Variants in NDUFAF2 observed in about 807,000 individuals in gnomAD.
NDUFAF2 encodes NADH dehydrogenase [ubiquinone] 1 alpha subcomplex assembly factor 2.
NDUFAF2 carries 13 observed loss-of-function variants against 22.8 expected under a neutral mutation model. That is an observed-to-expected ratio of 0.57 (90% CI 0.37 to 0.91). NDUFAF2 has a LOEUF of 0.91. Ranked by LOEUF, NDUFAF2 falls within the 40% of genes least tolerant of loss-of-function variation. The pLI, the probability that NDUFAF2 is intolerant of heterozygous loss-of-function variation, is 0.01. For missense variants in NDUFAF2, 162 were observed against 195.2 expected (o/e 0.83, Z 1.01); for synonymous variants, 53 against 64.2 (o/e 0.83, Z 0.84).
At chr5:61,152,292 A>C (rs1257072139) in intron 3 of NDUFAF2, among the ~76,000 whole-genome samples, 1 of 133,508 alleles carries the variant, frequency 7.5e-6, no homozygotes, top group Admixed American at 7.8e-5. Context: ...AATGGCAAAG[A>C]AAAAAAAAAA....
At chr5:60,951,377 A>G (rs1367413479) in intron 1 of NDUFAF2, among the ~76,000 whole-genome samples, 3 of 152,190 alleles carry the variant, frequency 2.0e-5, no homozygotes, top group African/African-American at 2.4e-5. Context: ...TATGGTTAGA[A>G]CCACTGTTTA....
chr5:60,945,790 T>C (rs913338712), intron 1 of NDUFAF2, among the ~76,000 whole-genome samples: 2 of 149,746 alleles, frequency 1.3e-5, no homozygotes, highest in African/African-American at 2.5e-5. Flanking sequence ...AGGGGAGGGG[T>C]TTTTCGTACG....
intron 3 of NDUFAF2, 48 bp downstream of exon 3, chr5:61,099,080 G>T: frequency 1.5e-6 from 2 of 1,313,452 alleles, no homozygotes; most frequent in Admixed American, 2.1e-5. Context: ...TATTCCCAAG[G>T]ATATACGAAG....
At chr5:61,135,590 G>C (rs1306070274) in intron 3 of NDUFAF2, among the ~76,000 whole-genome samples, 1 of 152,040 alleles carries the variant, frequency 6.6e-6, no homozygotes, top group East Asian at 1.9e-4. Flanking sequence ...TGCACATCAG[G>C]GGCCCTATCC....
chr5:60,979,247 T>C (rs1750943647), intron 1 of NDUFAF2, among the ~76,000 whole-genome samples: 1 of 152,170 alleles, frequency 6.6e-6, no homozygotes, highest in African/African-American at 2.4e-5. Flanking sequence ...CTGTGGTGGC[T>C]ACGGGTAATG....
chr5:61,100,895 C>G (rs1034873630), intron 3 of NDUFAF2, among the ~76,000 whole-genome samples: 14 of 152,096 alleles, frequency 9.2e-5, no homozygotes, highest in Admixed American at 2.6e-4. Context: ...AACATCCAAG[C>G]CAGTCTACCT....
At chr5:61,033,861 C>T (rs1751759757) in intron 1 of NDUFAF2, among the ~76,000 whole-genome samples, 1 of 152,112 alleles carries the variant, frequency 6.6e-6, no homozygotes, top group African/African-American at 2.4e-5. Context: ...ATAGTTGACT[C>T]TCTTGGGAAA....
chr5:61,004,862 C>T (rs981333015), intron 1 of NDUFAF2, among the ~76,000 whole-genome samples: 1 of 152,098 alleles, frequency 6.6e-6, no homozygotes, highest in Non-Finnish European at 1.5e-5. Flanking sequence ...AACTGGAATA[C>T]TAAATCCTAT....
At chr5:61,011,343 G>A (rs1751440556) in intron 1 of NDUFAF2, among the ~76,000 whole-genome samples, 1 of 152,112 alleles carries the variant, frequency 6.6e-6, no homozygotes, top group African/African-American at 2.4e-5. Flanking sequence ...CCAATGAGAA[G>A]TGTCTGCCCC....
chr5:61,148,005 G>C (rs570455787), intron 3 of NDUFAF2, among the ~76,000 whole-genome samples: 1 of 152,142 alleles, frequency 6.6e-6, no homozygotes, highest in Admixed American at 6.6e-5. Context: ...CTGCTTTATG[G>C]AGTTTCACCG....
At chr5:60,989,586 T>A (rs114733452) in intron 1 of NDUFAF2, among the ~76,000 whole-genome samples, 120 of 152,292 alleles carry the variant, frequency 7.9e-4, no homozygotes, top group African/African-American at 2.8e-3. Context: ...CAAGATCATG[T>A]CCTTTTCAGC....
At chr5:61,091,642 G>T (rs908336040) in intron 2 of NDUFAF2, among the ~76,000 whole-genome samples, 1 of 152,134 alleles carries the variant, frequency 6.6e-6, no homozygotes. Context: ...TTTGTTGATA[G>T]TTTCTTTTGC....
intron 2 of NDUFAF2, among the ~76,000 whole-genome samples, chr5:61,084,766 A>T (rs1049954716): frequency 6.6e-6 from 1 of 152,176 alleles, no homozygotes; most frequent in African/African-American, 2.4e-5. Context: ...GATTATTGTG[A>T]ATAGTGCTGC....
intron 3 of NDUFAF2, among the ~76,000 whole-genome samples, chr5:61,107,301 C>T (rs1752779869): frequency 6.6e-6 from 1 of 151,348 alleles, no homozygotes; most frequent in South Asian, 2.1e-4. Flanking sequence ...CGTGATATCT[C>T]GTTGTAGTTT....
At chr5:61,038,812 T>G (rs1751834592) in intron 1 of NDUFAF2, among the ~76,000 whole-genome samples, 1 of 152,098 alleles carries the variant, frequency 6.6e-6, no homozygotes, top group South Asian at 2.1e-4. Context: ...ACATTTGAGG[T>G]CATGTTTCTT....
intron 1 of NDUFAF2, among the ~76,000 whole-genome samples, chr5:61,025,858 A>G (rs1751642533): frequency 6.6e-6 from 1 of 152,096 alleles, no homozygotes; most frequent in Non-Finnish European, 1.5e-5. Context: ...GTGAAAATTT[A>G]TTTGTAAAAC....
At chr5:61,152,648 A>G in intron 3 of NDUFAF2, 56 bp from the exon 4 acceptor site, 1 of 1,283,304 alleles carries the variant, frequency 7.8e-7, no homozygotes, top group Non-Finnish European at 1.1e-6. Context: ...CTATTTTTAT[A>G]AAAACTTTTT....
At chr5:61,150,332 GT>G (rs1378651651) in intron 3 of NDUFAF2, among the ~76,000 whole-genome samples, 2 of 151,900 alleles carry the variant, frequency 1.3e-5, no homozygotes, top group African/African-American at 2.4e-5. Flanking sequence ...TACCAGTTTT[GT>G]TTTTTCAGAA....
rs111557328 is a variant in NDUFAF2, at chr5:61,034,912, A to ATATATGTGTGTGTG, written c.128-38212_128-38211insATATGTGTGTGTGT. On this transcript the variant is annotated intron_variant, in intron 1 of 3. Coordinates refer to ENST00000296597, the MANE Select transcript of NDUFAF2 (RefSeq NM_174889.5). Reference sequence around the variant, plus strand: ...GGTTTTTTTAGGTAGGCAAATATATATGTGTGTGTGTGTGTGTGTGTGTGT... The same window carrying ATATATGTGTGTGTG: ...GGTTTTTTTAGGTAGGCAAATATATATATATGTGTGTGTGTGTGTGTGTGTGTGTGTGTGTGTGT... Among the ~76,000 whole-genome samples, 3 of 144,888 alleles carry ATATATGTGTGTGTG rather than the reference A, an allele frequency of 2.1e-5. No individual in the cohort carries two copies. The Admixed American group carries it at 2.1e-4, about 10-fold the overall frequency.
Sources: allele counts gnomAD v4.1 joint callset (sites outside exome capture counted in the v4.1 genomes callset), GRCh38; gene constraint gnomAD v4.1.1; transcripts MANE v1.5; gene names NCBI Gene and HGNC (gene_info 2026-07-23, HGNC 2026-07-21).